The following SEMA3A variants were observed in gnomAD, a reference collection of about 807,000 sequenced individuals.
SEMA3A encodes semaphorin 3A.
In SEMA3A, 29 loss-of-function variants were observed where a neutral mutation model predicts 97.9. The observed-to-expected ratio is 0.30, with a 90% CI of 0.22 to 0.40. SEMA3A has a LOEUF of 0.40. Ranked by LOEUF, SEMA3A falls within the 10% of genes least tolerant of loss-of-function variation. The probability of loss-of-function intolerance (pLI) is 1.00; values close to 1 mark genes in which losing one functional copy is unlikely to be tolerated. For synonymous variants in SEMA3A, 321 were observed against 323.7 expected, an observed-to-expected ratio of 0.99 and a Z score of 0.09; for missense variants, 763 against 951.3, an observed-to-expected ratio of 0.80 and a Z score of 2.60.
intron 15 of SEMA3A, among the ~76,000 whole-genome samples, chr7:83,973,384 GT>G (rs894274249): frequency 6.1e-5 from 9 of 148,004 alleles, no homozygotes; most frequent in African/African-American, 9.9e-5. Context: ...ATCTTCAGCA[GT>G]TTTTTTTTTC....
chr7:84,359,871 G>T (rs1234276024), intron 2 of SEMA3A, among the ~76,000 whole-genome samples: 1 of 151,908 alleles, frequency 6.6e-6, no homozygotes, highest in Admixed American at 6.6e-5. Flanking sequence ...TCTTGGGAGG[G>T]TGTATGTGTC....
intron 1 of SEMA3A, among the ~76,000 whole-genome samples, chr7:84,139,935 T>C (rs943744947): frequency 5.3e-5 from 8 of 152,182 alleles, no homozygotes; most frequent in African/African-American, 1.9e-4. Flanking sequence ...TCTATAAATG[T>C]TCATATTTAC....
chr7:84,342,465 A>C (rs1239499820), intron 2 of SEMA3A, among the ~76,000 whole-genome samples: 1 of 152,228 alleles, frequency 6.6e-6, no homozygotes, highest in Admixed American at 6.5e-5. Context: ...AAAATTGAAG[A>C]AATTAAAAAT....
intron 4 of SEMA3A, among the ~76,000 whole-genome samples, chr7:84,093,433 C>T (rs1794656154): frequency 6.6e-6 from 1 of 152,010 alleles, no homozygotes; most frequent in Non-Finnish European, 1.5e-5. Context: ...AGAAGTAATG[C>T]ATGAATTGAG....
intron 2 of SEMA3A, among the ~76,000 whole-genome samples, chr7:84,327,765 C>T (rs1214241403): frequency 6.6e-6 from 1 of 151,868 alleles, no homozygotes; most frequent in Admixed American, 6.6e-5. Flanking sequence ...GGCATTTCAT[C>T]AGAGATTTCA....
chr7:83,966,717 C>T lies in SEMA3A; in HGVS notation c.1718-3370G>A, dbSNP rs201819217. Among the ~76,000 whole-genome samples, 12 of 147,642 alleles carry T rather than the reference C, an allele frequency of 8.1e-5. 1 individual carries two copies. Among genetic ancestry groups the T allele is most frequent in the East Asian group, 6.0e-4 (3 of 5,020 alleles). ...TAATTATTAAAAGTAAATTTTTTTT[C>T]TTTTTTTTTTTGAGACGGAGTTTCC... On this transcript the variant is annotated intron_variant, in intron 15 of 16. Coordinates refer to ENST00000265362, the MANE Select transcript of SEMA3A (RefSeq NM_006080.3).
chr7:84,367,977 T>C (rs982945053), intron 2 of SEMA3A, among the ~76,000 whole-genome samples: 1 of 151,264 alleles, frequency 6.6e-6, no homozygotes. Context: ...AAATATTCTA[T>C]GCTAATTACT....
intron 3 of SEMA3A, among the ~76,000 whole-genome samples, chr7:84,282,487 C>A (rs1800463357): frequency 6.6e-6 from 1 of 152,036 alleles, no homozygotes; most frequent in Non-Finnish European, 1.5e-5. Context: ...ACTGTTTCCC[C>A]CATTTATTAA....
At chr7:83,983,527 C>T (rs930083906) in intron 13 of SEMA3A, among the ~76,000 whole-genome samples, 11 of 149,344 alleles carry the variant, frequency 7.4e-5, no homozygotes, top group African/African-American at 2.3e-4. Context: ...ATGTCATATT[C>T]CTTTAGGGGA....
intron 2 of SEMA3A, among the ~76,000 whole-genome samples, chr7:84,134,146 T>A (rs1449471550): frequency 2.6e-5 from 4 of 152,166 alleles, no homozygotes; most frequent in Non-Finnish European, 5.9e-5. Context: ...AGAACTTATA[T>A]CCTGCTGATG....
At chr7:84,055,403 C>G (rs1168038796) in intron 5 of SEMA3A, among the ~76,000 whole-genome samples, 14 of 152,140 alleles carry the variant, frequency 9.2e-5, no homozygotes, top group Non-Finnish European at 1.8e-4. Context: ...ATATAGTCTC[C>G]TGGTGCGCCG....
chr7:84,375,253 C>G (rs1469691424), intron 1 of SEMA3A, among the ~76,000 whole-genome samples: 1 of 152,148 alleles, frequency 6.6e-6, no homozygotes, highest in Non-Finnish European at 1.5e-5. Context: ...CTTCTGACCT[C>G]ATGTGATCCA....
intron 3 of SEMA3A, among the ~76,000 whole-genome samples, chr7:84,121,019 A>T (rs746680838): frequency 9.9e-5 from 15 of 152,156 alleles, no homozygotes; most frequent in Non-Finnish European, 2.2e-4. Flanking sequence ...ATATTTTATA[A>T]TAGGTATAGC....
intron 7 of SEMA3A, among the ~76,000 whole-genome samples, chr7:84,013,252 G>T (rs934507621): frequency 1.3e-5 from 2 of 152,046 alleles, no homozygotes; most frequent in African/African-American, 4.8e-5. Context: ...ACCGTAGAGG[G>T]AAACAAATGG....
chr7:84,489,507 A>C (rs11302743), intron 1 of SEMA3A, among the ~76,000 whole-genome samples: 2 of 99,332 alleles, frequency 2.0e-5, no homozygotes, highest in African/African-American at 8.5e-5. Flanking sequence ...CCAGGAATTT[A>C]TTTTGTGAAA....
chr7:84,237,537 C>T (rs1799263594), intron 3 of SEMA3A, among the ~76,000 whole-genome samples: 1 of 152,000 alleles, frequency 6.6e-6, no homozygotes, highest in Admixed American at 6.6e-5. Context: ...TACAACATAC[C>T]ACCCATTTTT....
At chr7:84,115,515 A>G (rs779009359) in intron 3 of SEMA3A, among the ~76,000 whole-genome samples, 2 of 152,120 alleles carry the variant, frequency 1.3e-5, no homozygotes, top group African/African-American at 2.4e-5. Flanking sequence ...TCTTTTATTT[A>G]AAGGAGTTCA....
chr7:84,436,190 T>A (rs912326709), intron 1 of SEMA3A, among the ~76,000 whole-genome samples: 1 of 152,174 alleles, frequency 6.6e-6, no homozygotes, highest in Non-Finnish European at 1.5e-5. Context: ...TCAACCTGGA[T>A]TAAAAATTTA....
At chr7:84,335,084 C>T (rs1230301175) in intron 2 of SEMA3A, among the ~76,000 whole-genome samples, 3 of 151,996 alleles carry the variant, frequency 2.0e-5, no homozygotes, top group Non-Finnish European at 4.4e-5. Flanking sequence ...TTAAAATTTT[C>T]AATTTTTTGA....
Sources: gnomAD v4.1 joint callset for allele counts (sites outside exome capture counted in the v4.1 genomes callset) on GRCh38, gnomAD v4.1.1 for gene constraint, MANE v1.5 for transcripts, NCBI Gene and HGNC (gene_info 2026-07-23, HGNC 2026-07-21) for gene names.